The following ATP9B variants were observed in gnomAD, a reference collection of about 807,000 sequenced individuals.
The protein encoded by ATP9B is ATPase phospholipid transporting 9B.
Under a neutral mutation model 146.1 loss-of-function variants are expected in ATP9B, and 110 were observed. The ratio of observed to expected loss-of-function variants is 0.75; its 90% CI spans 0.65 to 0.88. The LOEUF is 0.88. Among genes scored for constraint, ATP9B ranks in the 40% least tolerant of loss-of-function variants. ATP9B has a pLI of 0.00. For synonymous variants in ATP9B, 604 were observed against 569.7 expected (o/e 1.06, Z -0.86); for missense variants, 1,499 against 1,496.4 (o/e 1.00, Z -0.03).
chr18:79,356,318 C>T (rs1008651954), intron 25 of ATP9B, among the ~76,000 whole-genome samples: 8 of 151,646 alleles, frequency 5.3e-5, no homozygotes, highest in African/African-American at 1.9e-4. Context: ...AGCGTTTATA[C>T]CCTCTCACTC....
At chr18:79,356,011 C>G (rs1294502502) in intron 25 of ATP9B, among the ~76,000 whole-genome samples, 1 of 152,174 alleles carries the variant, frequency 6.6e-6, no homozygotes, top group Non-Finnish European at 1.5e-5. Flanking sequence ...TGGCAAGACT[C>G]GTGTCCAGCA....
intron 2 of ATP9B, among the ~76,000 whole-genome samples, chr18:79,097,550 A>G (rs1055335224): frequency 1.1e-5 from 1 of 87,598 alleles, no homozygotes; most frequent in Non-Finnish European, 2.0e-5. Context: ...CACAGTCCCC[A>G]GAGTGTGATA....
At chr18:79,294,975 G>A (rs1400939009) in intron 13 of ATP9B, among the ~76,000 whole-genome samples, 1 of 152,144 alleles carries the variant, frequency 6.6e-6, no homozygotes, top group African/African-American at 2.4e-5. Flanking sequence ...ATACGTTCCT[G>A]GATTTCAGTT....
At chr18:79,249,845 TAAAATA>T (rs2096005503) in intron 11 of ATP9B, among the ~76,000 whole-genome samples, 1 of 150,444 alleles carries the variant, frequency 6.6e-6, no homozygotes, top group African/African-American at 2.5e-5. Context: ...ATTGAAAAAA[TAAAATA>T]AAATAAAAGC....
chr18:79,268,278 A>T (rs573254947), intron 12 of ATP9B, among the ~76,000 whole-genome samples: 1 of 152,062 alleles, frequency 6.6e-6, no homozygotes, highest in Non-Finnish European at 1.5e-5. Context: ...TTAGCATGCC[A>T]TCTTGTAATT....
At position 79,089,170 on chromosome 18, in the gene ATP9B, G is replaced by A. The variant is rs576672512; in HGVS notation, c.120-7306G>A. 1.1e-3 allele frequency among the ~76,000 whole-genome samples: 168 copies of A among 152,108 alleles called. 2 individuals are homozygous for A. In the South Asian group the frequency reaches 0.033, roughly 30 times the overall value. Reference sequence around the variant, plus strand: ...AAATTGGGTTCATTGTATACTGCTCGGGAGATGGGTGCAGCACAGTCTCAC... The same window carrying A: ...AAATTGGGTTCATTGTATACTGCTCAGGAGATGGGTGCAGCACAGTCTCAC... On this transcript the variant is annotated intron_variant, in intron 1 of 29. Transcript: ENST00000426216.
chr18:79,359,145 A>G (rs2096971760), intron 25 of ATP9B, among the ~76,000 whole-genome samples: 1 of 152,142 alleles, frequency 6.6e-6, no homozygotes, highest in African/African-American at 2.4e-5. Context: ...TCTACCCGTA[A>G]GCATTTGTGA....
intron 8 of ATP9B, among the ~76,000 whole-genome samples, chr18:79,189,910 G>A (rs1171617503): frequency 1.3e-5 from 2 of 152,216 alleles, no homozygotes; most frequent in Non-Finnish European, 1.5e-5. Flanking sequence ...CGCCAAACAC[G>A]ATGGAAAACA....
intron 11 of ATP9B, among the ~76,000 whole-genome samples, chr18:79,252,221 G>A (rs1474742491): frequency 2.6e-5 from 4 of 152,218 alleles, no homozygotes; most frequent in East Asian, 3.8e-4. Context: ...TGTGCCATGC[G>A]CTCCCTCTTC....
chr18:79,319,821 A>G (rs541016804), intron 15 of ATP9B, among the ~76,000 whole-genome samples: 3 of 152,376 alleles, frequency 2.0e-5, no homozygotes, highest in African/African-American at 7.2e-5. Context: ...AAATATTGCC[A>G]TGACTTCTGC....
intron 12 of ATP9B, among the ~76,000 whole-genome samples, chr18:79,264,658 TGTAA>T (rs981775177): frequency 2.3e-5 from 3 of 132,126 alleles, no homozygotes; most frequent in Non-Finnish European, 4.7e-5. Context: ...CTTTGACCAC[TGTAA>T]GTGTTTTTTG....
intron 5 of ATP9B, among the ~76,000 whole-genome samples, chr18:79,131,386 G>A (rs946489445): frequency 2.0e-5 from 3 of 152,174 alleles, no homozygotes; most frequent in African/African-American, 4.8e-5. Flanking sequence ...CTAATTCTCC[G>A]AAGAAAATAT....
chr18:79,282,428 G>A (rs1392229323), intron 13 of ATP9B, among the ~76,000 whole-genome samples: 1 of 152,184 alleles, frequency 6.6e-6, no homozygotes, highest in East Asian at 1.9e-4. Flanking sequence ...AATTGCCACA[G>A]CCAGTCCAAA....
chr18:79,358,813 C>A (rs867557047), intron 25 of ATP9B, among the ~76,000 whole-genome samples: 1,370 of 115,340 alleles, frequency 0.012, 20 homozygotes, highest in African/African-American at 0.045. Context: ...GTGTGAGGGA[C>A]CCTGTGTGAG....
intron 11 of ATP9B, among the ~76,000 whole-genome samples, chr18:79,240,530 GAGGGC>G (rs1361685575): frequency 5.3e-5 from 8 of 152,244 alleles, no homozygotes; most frequent in African/African-American, 1.9e-4. Context: ...CGGATCACCT[GAGGGC>G]AGGAGTTCGA....
chr18:79,142,304 G>A (rs2094523478), intron 5 of ATP9B, among the ~76,000 whole-genome samples: 1 of 152,178 alleles, frequency 6.6e-6, no homozygotes, highest in Admixed American at 6.5e-5. Context: ...AGAAATGTTA[G>A]ATCTTAATTA....
chr18:79,202,315 G>T (rs2095496564), intron 9 of ATP9B, among the ~76,000 whole-genome samples: 1 of 152,180 alleles, frequency 6.6e-6, no homozygotes, highest in South Asian at 2.1e-4. Context: ...GTTTGGAGTT[G>T]TAAATTGTAG....
intron 11 of ATP9B, among the ~76,000 whole-genome samples, chr18:79,223,536 CT>C (rs2095701104): frequency 6.6e-6 from 1 of 151,984 alleles, no homozygotes; most frequent in Admixed American, 6.6e-5. Context: ...TCTTGGGATG[CT>C]TTTTTTGGGA....
intron 6 of ATP9B, among the ~76,000 whole-genome samples, chr18:79,144,568 G>C (rs2094554113): frequency 6.6e-6 from 1 of 152,176 alleles, no homozygotes; most frequent in Non-Finnish European, 1.5e-5. Flanking sequence ...CGGAGCTCAG[G>C]AGGTCATGCT....
Sources: allele counts gnomAD v4.1 joint callset (sites outside exome capture counted in the v4.1 genomes callset), GRCh38; gene constraint gnomAD v4.1.1; transcripts MANE v1.5; gene names NCBI Gene and HGNC (gene_info 2026-07-23, HGNC 2026-07-21).